Variants in SUPT3H observed in about 807,000 individuals in gnomAD.
The protein encoded by SUPT3H is SPT3 homolog, SAGA and STAGA complex component, also known as transcription initiation protein SPT3 homolog.
In SUPT3H, 44 loss-of-function variants were observed where a neutral mutation model predicts 44.3. The observed-to-expected ratio is 0.99, with a 90% CI of 0.78 to 1.28. The LOEUF (loss-of-function observed/expected upper bound fraction) is 1.28, where lower values mean the gene tolerates loss of function less well. SUPT3H is among the 50% of genes most tolerant of loss of function. The pLI, the probability that SUPT3H is intolerant of heterozygous loss-of-function variation, is 0.00. For synonymous variants in SUPT3H, 124 were observed against 125.6 expected (o/e 0.99, Z 0.09); for missense variants, 380 against 387.1 (o/e 0.98, Z 0.15).
intron 3 of SUPT3H, among the ~76,000 whole-genome samples, chr6:45,071,399 T>C (rs1794358820): frequency 6.6e-6 from 1 of 152,166 alleles, no homozygotes; most frequent in Non-Finnish European, 1.5e-5. Flanking sequence ...TCCTGTCTTT[T>C]TTTGCCCCAT....
At chr6:45,161,389 T>C (rs993866821) in intron 2 of SUPT3H, among the ~76,000 whole-genome samples, 1 of 152,282 alleles carries the variant, frequency 6.6e-6, no homozygotes, top group East Asian at 1.9e-4. Flanking sequence ...TGACTGCACC[T>C]ACCTCAGGAG....
At position 45,276,277 on chromosome 6, in the gene SUPT3H, TA is replaced by T. The variant is rs200551388; in HGVS notation, c.101+88923del. On this transcript the variant is annotated intron_variant, in intron 2 of 10. Coordinates refer to ENST00000371459, the MANE Select transcript of SUPT3H (RefSeq NM_003599.4). ...CAACTAAATGGAGTTTATATATTAG[TA>T]CCATTTAACATTTCAAAATTAATGT... is the stretch of plus-strand genomic sequence containing the variant. Among the ~76,000 whole-genome samples, 545 of 152,286 alleles carry T rather than the reference TA, an allele frequency of 3.6e-3. 18 individuals carry two copies. The highest frequency in any genetic ancestry group is 0.03 in the Admixed American group (453 of 15,294).
intron 2 of SUPT3H, among the ~76,000 whole-genome samples, chr6:45,250,564 T>C (rs1772187896): frequency 6.6e-6 from 1 of 151,496 alleles, no homozygotes; most frequent in African/African-American, 2.4e-5. Context: ...AGAAAACCAA[T>C]AGCTGAATAA....
chr6:44,819,499 T>TAAAG (rs1013690176), intron 11 of SUPT3H, among the ~76,000 whole-genome samples: 1 of 135,720 alleles, frequency 7.4e-6, no homozygotes, highest in African/African-American at 2.7e-5. Flanking sequence ...TTTTTTTTTT[T>TAAAG]AAAGAAACAT....
chr6:45,364,664 ACT>A (rs1373069818), intron 2 of SUPT3H, among the ~76,000 whole-genome samples: 1 of 152,160 alleles, frequency 6.6e-6, no homozygotes, highest in African/African-American at 2.4e-5. Flanking sequence ...AATCTTAATG[ACT>A]CTGCAATTTC....
intron 2 of SUPT3H, among the ~76,000 whole-genome samples, chr6:45,144,879 G>A (rs1205356412): frequency 1.4e-4 from 22 of 152,112 alleles, no homozygotes; most frequent in Admixed American, 1.3e-3. Flanking sequence ...CACTAACAAC[G>A]ACGAAGCTGA....
chr6:45,180,732 G>A (rs1332448184), intron 2 of SUPT3H, among the ~76,000 whole-genome samples: 1 of 152,120 alleles, frequency 6.6e-6, no homozygotes, highest in Non-Finnish European at 1.5e-5. Flanking sequence ...ATGGATTAAA[G>A]ACTTAAATGT....
At chr6:44,971,160 T>C (rs1481758155) in intron 6 of SUPT3H, among the ~76,000 whole-genome samples, 2 of 152,196 alleles carry the variant, frequency 1.3e-5, no homozygotes, top group East Asian at 1.9e-4. Flanking sequence ...AAATTTTTAT[T>C]GCAGATTAAG....
intron 6 of SUPT3H, among the ~76,000 whole-genome samples, chr6:44,999,626 G>A (rs1181525590): frequency 2.0e-5 from 3 of 151,934 alleles, no homozygotes; most frequent in Non-Finnish European, 2.9e-5. Context: ...CATTATATAT[G>A]CATCTATTAG....
At chr6:45,081,032 C>CATAT (rs70993494) in intron 3 of SUPT3H, among the ~76,000 whole-genome samples, 13 of 150,514 alleles carry the variant, frequency 8.6e-5, no homozygotes, top group East Asian at 2.0e-4. Context: ...TCATATATCC[C>CATAT]ATATATATAT....
At chr6:44,961,195 G>A (rs1775967727) in intron 7 of SUPT3H, among the ~76,000 whole-genome samples, 1 of 152,160 alleles carries the variant, frequency 6.6e-6, no homozygotes, top group Admixed American at 6.5e-5. Context: ...TGATGTGAAA[G>A]TACTAATTTT....
At chr6:45,313,629 G>A (rs1300161023) in intron 2 of SUPT3H, among the ~76,000 whole-genome samples, 2 of 144,432 alleles carry the variant, frequency 1.4e-5, no homozygotes, top group African/African-American at 5.2e-5. Context: ...AACAAGCAGC[G>A]AGATTGAAAT....
At chr6:44,927,394 A>T (rs1769670364) in intron 10 of SUPT3H, among the ~76,000 whole-genome samples, 1 of 152,190 alleles carries the variant, frequency 6.6e-6, no homozygotes, top group African/African-American at 2.4e-5. Flanking sequence ...TAATGAGTAA[A>T]CTGAAGAAAC....
At chr6:45,045,427 G>T (rs1789229069) in intron 3 of SUPT3H, among the ~76,000 whole-genome samples, 1 of 152,172 alleles carries the variant, frequency 6.6e-6, no homozygotes, top group Admixed American at 6.5e-5. Context: ...ATGTAGTCAT[G>T]TAGTTGTAAA....
intron 2 of SUPT3H, among the ~76,000 whole-genome samples, chr6:45,147,493 G>A (rs1205938617): frequency 5.9e-5 from 9 of 152,036 alleles, no homozygotes; most frequent in South Asian, 2.1e-4. Flanking sequence ...AGACTTCAGC[G>A]AGGCCATAAA....
intron 3 of SUPT3H, among the ~76,000 whole-genome samples, chr6:45,081,120 G>A (rs1228005284): frequency 6.6e-6 from 1 of 151,496 alleles, no homozygotes; most frequent in East Asian, 1.9e-4. Context: ...GAAATTAAAT[G>A]AATAAATAAA....
At chr6:45,165,161 G>C (rs1370311626) in intron 2 of SUPT3H, among the ~76,000 whole-genome samples, 1 of 152,176 alleles carries the variant, frequency 6.6e-6, no homozygotes, top group African/African-American at 2.4e-5. Context: ...GAAATTCCCT[G>C]TCTGTGGTGC....
chr6:45,216,037 TG>T (rs547388598), intron 2 of SUPT3H, among the ~76,000 whole-genome samples: 1 of 151,904 alleles, frequency 6.6e-6, no homozygotes, highest in Non-Finnish European at 1.5e-5. Flanking sequence ...ATGAAAAGTG[TG>T]GGGGGATGGG....
At chr6:44,958,141 C>G (rs1246292990) in intron 7 of SUPT3H, among the ~76,000 whole-genome samples, 1 of 152,150 alleles carries the variant, frequency 6.6e-6, no homozygotes, top group Admixed American at 6.5e-5. Context: ...GAGCAATGGT[C>G]AAAAGTTCCT....
Sources: gnomAD v4.1 joint callset for allele counts (sites outside exome capture counted in the v4.1 genomes callset) on GRCh38, gnomAD v4.1.1 for gene constraint, MANE v1.5 for transcripts, NCBI Gene and HGNC (gene_info 2026-07-23, HGNC 2026-07-21) for gene names.